TMTC1: variants seen among roughly 807,000 people sequenced by gnomAD.
TMTC1 encodes protein O-mannosyl-transferase TMTC1.
In TMTC1, 73 loss-of-function variants were observed where a neutral mutation model predicts 104.8. That is an observed-to-expected ratio of 0.70 (90% confidence interval 0.58 to 0.85). The LOEUF (loss-of-function observed/expected upper bound fraction) is 0.85. Among genes scored for constraint, TMTC1 ranks in the 40% least tolerant of loss-of-function variants. The pLI, the probability that TMTC1 is intolerant of heterozygous loss-of-function variation, is 0.00. For missense variants in TMTC1, 1,035 were observed against 1,096.1 expected (o/e 0.94, Z 0.79); for synonymous variants, 434 against 428.7 (o/e 1.01, Z -0.15).
At chr12:29,554,404 G>C (rs1203569404) in intron 10 of TMTC1, among the ~76,000 whole-genome samples, 2 of 151,638 alleles carry the variant, frequency 1.3e-5, no homozygotes, top group South Asian at 2.1e-4. Context: ...CTGTTAGTAG[G>C]GATTTGGGCA....
chr12:29,716,005 T>G (rs1347277742), intron 5 of TMTC1, among the ~76,000 whole-genome samples: 1 of 144,748 alleles, frequency 6.9e-6, no homozygotes, highest in Non-Finnish European at 1.5e-5. Flanking sequence ...ATTATTATTA[T>G]TATTATTATT....
intron 7 of TMTC1, among the ~76,000 whole-genome samples, chr12:29,602,140 G>A (rs1285779399): frequency 1.3e-5 from 2 of 151,050 alleles, no homozygotes; most frequent in Non-Finnish European, 3.0e-5. Flanking sequence ...GGCATCTCAT[G>A]TTTTTAAATT....
chr12:29,648,035 T>C (rs1392149186), intron 5 of TMTC1, among the ~76,000 whole-genome samples: 1 of 152,226 alleles, frequency 6.6e-6, no homozygotes, highest in Non-Finnish European at 1.5e-5. Context: ...GTTTTTATCC[T>C]TAATCCCAGA....
chr12:29,583,706 CT>C, intron 7 of TMTC1, 132 bp from the exon 8 acceptor site: 1 of 771,308 alleles, frequency 1.3e-6, no homozygotes, highest in Non-Finnish European at 2.0e-6. Context: ...ACTCCCCTGC[CT>C]TGGACAATAT....
chr12:29,666,245 G>A (rs865863974), intron 5 of TMTC1: 1 of 66,580 alleles, frequency 1.5e-5, no homozygotes, highest in Non-Finnish European at 3.0e-5. Context: ...TTTTTTTTTT[G>A]GAGACGGAGT....
chr12:29,612,850 T>C (rs1946879916), intron 6 of TMTC1, among the ~76,000 whole-genome samples: 2 of 152,192 alleles, frequency 1.3e-5, no homozygotes, highest in African/African-American at 4.8e-5. Context: ...CTGAGAGAGC[T>C]TGAGGGGTGG....
intron 17 of TMTC1, 80 bp from the exon 18 acceptor site, chr12:29,507,066 A>C (rs1943712715): frequency 8.3e-7 from 1 of 1,203,242 alleles, no homozygotes; most frequent in South Asian, 1.3e-5. Flanking sequence ...TAAGAAACTG[A>C]CCCTCTGCCC....
At chr12:29,678,516 A>C (rs1456519427) in intron 5 of TMTC1, among the ~76,000 whole-genome samples, 3 of 152,224 alleles carry the variant, frequency 2.0e-5, no homozygotes, top group Non-Finnish European at 2.9e-5. Context: ...ATGCAGAGCC[A>C]CAAGATTGAG....
At chr12:29,671,465 A>G (rs530908957) in intron 5 of TMTC1, among the ~76,000 whole-genome samples, 1 of 152,374 alleles carries the variant, frequency 6.6e-6, no homozygotes, top group African/African-American at 2.4e-5. Flanking sequence ...TAGAAAAAGC[A>G]TACATGCATA....
chr12:29,532,433 A>C (rs750491746), intron 11 of TMTC1: 7 of 152,224 alleles, frequency 4.6e-5, no homozygotes, highest in Non-Finnish European at 1.0e-4. Flanking sequence ...ACAAAAGAAA[A>C]TAAAAAGGAA....
intron 10 of TMTC1, among the ~76,000 whole-genome samples, chr12:29,551,347 A>C (rs948613927): frequency 5.9e-5 from 9 of 152,212 alleles, no homozygotes; most frequent in African/African-American, 2.2e-4. Context: ...CCTAGCACTT[A>C]AAAGATAATG....
chr12:29,649,773 T>C (rs967351405), intron 5 of TMTC1, among the ~76,000 whole-genome samples: 2 of 152,222 alleles, frequency 1.3e-5, no homozygotes, highest in Non-Finnish European at 2.9e-5. Context: ...GTGCAATTAA[T>C]AATTACAGTC....
At chr12:29,554,459 C>A (rs956326399) in intron 10 of TMTC1, among the ~76,000 whole-genome samples, 1 of 151,838 alleles carries the variant, frequency 6.6e-6, no homozygotes, top group Non-Finnish European at 1.5e-5. Flanking sequence ...AAGACGTTAG[C>A]GAGTCTTTAG....
chr12:29,682,151 T>C (rs920291592), intron 5 of TMTC1, among the ~76,000 whole-genome samples: 9 of 152,148 alleles, frequency 5.9e-5, no homozygotes, highest in African/African-American at 1.4e-4. Flanking sequence ...AGATGGCCAA[T>C]GTCACTAGCC....
chr12:29,657,934 C>T (rs1242872767), intron 5 of TMTC1, among the ~76,000 whole-genome samples: 1 of 151,846 alleles, frequency 6.6e-6, no homozygotes, highest in African/African-American at 2.4e-5. Flanking sequence ...GACAAAAACC[C>T]CTCTCTGCTA....
intron 6 of TMTC1, among the ~76,000 whole-genome samples, chr12:29,630,139 T>A (rs1938221049): frequency 1.3e-5 from 2 of 152,208 alleles, no homozygotes; most frequent in Non-Finnish European, 2.9e-5. Flanking sequence ...ATGCCTTTTT[T>A]AGAGTTTCAC....
At chr12:29,577,164 T>C (rs1945847829) in intron 8 of TMTC1, among the ~76,000 whole-genome samples, 1 of 152,164 alleles carries the variant, frequency 6.6e-6, no homozygotes, top group African/African-American at 2.4e-5. Context: ...TTTTTTAGCA[T>C]ATCTAGTGAA....
At chr12:29,734,362 G>T (rs955762564) in intron 5 of TMTC1, among the ~76,000 whole-genome samples, 1 of 152,178 alleles carries the variant, frequency 6.6e-6, no homozygotes, top group African/African-American at 2.4e-5. Context: ...ATTTTTTCAA[G>T]TGGGTTCTAG....
intron 5 of TMTC1, among the ~76,000 whole-genome samples, chr12:29,702,133 A>C (rs959382563): frequency 6.6e-6 from 1 of 152,218 alleles, no homozygotes; most frequent in Non-Finnish European, 1.5e-5. Flanking sequence ...ACTGATTAAT[A>C]AGCTTTTCCC....
Sources: gnomAD v4.1 joint callset for allele counts (sites outside exome capture counted in the v4.1 genomes callset) on GRCh38, gnomAD v4.1.1 for gene constraint, MANE v1.5 for transcripts, NCBI Gene and HGNC (gene_info 2026-07-23, HGNC 2026-07-21) for gene names.